Variants in ADAMTSL1 observed in about 807,000 individuals in gnomAD.
ADAMTSL1 encodes ADAMTS like 1, also known as ADAMTS-like protein 1.
In ADAMTSL1, 126 loss-of-function variants were observed where a neutral mutation model predicts 201.8. That is an observed-to-expected ratio of 0.62 (90% confidence interval 0.54 to 0.72). The LOEUF (loss-of-function observed/expected upper bound fraction) is 0.72, where lower values mean the gene tolerates loss of function less well. Among genes scored for constraint, ADAMTSL1 ranks in the 30% least tolerant of loss-of-function variants. The pLI, the probability that ADAMTSL1 is intolerant of heterozygous loss-of-function variation, is 0.00. For synonymous variants in ADAMTSL1, 1,121 were observed against 903.4 expected (o/e 1.24, Z -4.32); for missense variants, 2,679 against 2,277.8 (o/e 1.18, Z -3.59).
At chr9:18,856,981 T>G (rs1369723357) in intron 23 of ADAMTSL1, among the ~76,000 whole-genome samples, 1 of 152,180 alleles carries the variant, frequency 6.6e-6, no homozygotes, top group Non-Finnish European at 1.5e-5. Flanking sequence ...CAATTTCACC[T>G]TGGATGCTCA....
At chr9:18,824,048 G>A (rs1040423275) in intron 21 of ADAMTSL1, among the ~76,000 whole-genome samples, 1 of 151,642 alleles carries the variant, frequency 6.6e-6, no homozygotes, top group African/African-American at 2.4e-5. Context: ...AAGGAAGGAA[G>A]GAAGGAAGGA....
intron 3 of ADAMTSL1, among the ~76,000 whole-genome samples, chr9:18,554,347 G>A (rs1054887628): frequency 1.3e-5 from 2 of 151,460 alleles, no homozygotes; most frequent in Non-Finnish European, 3.0e-5. Context: ...ACGTTGCCTT[G>A]TTTCCTCATG....
chr9:18,520,705 G>C (rs1238811305), intron 2 of ADAMTSL1, among the ~76,000 whole-genome samples: 1 of 152,190 alleles, frequency 6.6e-6, no homozygotes, highest in Non-Finnish European at 1.5e-5. Context: ...GATGGATGAT[G>C]CCTGGCAGCA....
chr9:18,885,762 A>G (rs1366140184), intron 23 of ADAMTSL1, among the ~76,000 whole-genome samples: 1 of 152,116 alleles, frequency 6.6e-6, no homozygotes, highest in South Asian at 2.1e-4. Context: ...AAGGGGAAAA[A>G]AATAAGTGAG....
intron 23 of ADAMTSL1, among the ~76,000 whole-genome samples, chr9:18,842,212 TG>T (rs1825766214): frequency 6.6e-6 from 1 of 152,222 alleles, no homozygotes; most frequent in Non-Finnish European, 1.5e-5. Context: ...GCTTTGAATG[TG>T]TTCAAGAGAT....
chr9:18,495,872 C>A (rs1822509672), intron 1 of ADAMTSL1, among the ~76,000 whole-genome samples: 3 of 152,112 alleles, frequency 2.0e-5, no homozygotes, highest in African/African-American at 7.2e-5. Flanking sequence ...CTTGCTTTCT[C>A]CCCCACTTTA....
At chr9:18,285,666 A>G (rs1832964932) in intron 2 of ADAMTSL1, among the ~76,000 whole-genome samples, 1 of 151,636 alleles carries the variant, frequency 6.6e-6, no homozygotes, top group Non-Finnish European at 1.5e-5. Flanking sequence ...ATGTTATCCT[A>G]GTTTGTCCCT....
intron 1 of ADAMTSL1, among the ~76,000 whole-genome samples, chr9:18,024,534 G>A (rs1409378001): frequency 6.6e-6 from 1 of 152,014 alleles, no homozygotes; most frequent in Non-Finnish European, 1.5e-5. Flanking sequence ...TTCTGTTTCT[G>A]AGTTAATTTG....
chr9:18,621,555 T>TA (rs1564095127), intron 4 of ADAMTSL1, among the ~76,000 whole-genome samples: 72 of 82,592 alleles, frequency 8.7e-4, no homozygotes, highest in African/African-American at 2.6e-3. Flanking sequence ...ACCGTCCTCT[T>TA]CCACACACAC....
Position 18,602,022 on chromosome 9 carries a change from A to G in ADAMTSL1, c.475-20221A>G, listed in dbSNP as rs184082566. Among the ~76,000 whole-genome samples, 168 of 152,304 alleles carry G rather than the reference A, an allele frequency of 1.1e-3. 1 individual carries two copies. Among genetic ancestry groups the G allele is most frequent in the African/African-American group, 3.9e-3 (161 of 41,570 alleles). On this transcript the variant is annotated intron_variant, in intron 4 of 28. Transcript: ENST00000380548. ...GTTTTGTAAATCTCATTAAAGTTTT[A>G]CCATCTTCGTGATTGTTAGCAATTG...
chr9:17,945,679 G>A (rs202237424), intron 1 of ADAMTSL1, among the ~76,000 whole-genome samples: 1 of 152,066 alleles, frequency 6.6e-6, no homozygotes, highest in Non-Finnish European at 1.5e-5. Flanking sequence ...ACATGGATGA[G>A]ATTGGAAATC....
chr9:18,775,885 C>G lies in ADAMTSL1; in HGVS notation c.2540C>G (p.Ala847Gly), dbSNP rs111885519. ...FSSSIRPCML[A>G]TCARPGRPST... ...TCCTCCATCAGGCCCTGTATGCTGG[C>G]AACCTGTGCAAGTAAGTATGTCAGG... The change falls in exon 18 of 29, where the codon GCA (alanine) becomes GGA (glycine). Residue 847 changes from alanine (A) to glycine (G), a missense_variant. Ala to Gly is a moderately conservative substitution (Grantham distance 60). Coordinates refer to ENST00000380548, the MANE Select transcript of ADAMTSL1 (RefSeq NM_001040272.6). 28 of 1,593,780 alleles carry G rather than the reference C, an allele frequency of 1.8e-5. No individual in the cohort carries two copies. In the African/African-American group the frequency reaches 1.9e-4, roughly 11 times the overall value.
chr9:18,607,776 G>T (rs1825122116), intron 4 of ADAMTSL1, among the ~76,000 whole-genome samples: 1 of 148,986 alleles, frequency 6.7e-6, no homozygotes, highest in Non-Finnish European at 1.5e-5. Context: ...CCCTTCCTGT[G>T]TCCCTGTGTT....
intron 1 of ADAMTSL1, among the ~76,000 whole-genome samples, chr9:18,163,550 A>G (rs965664825): frequency 2.6e-5 from 4 of 151,920 alleles, no homozygotes; most frequent in Non-Finnish European, 4.4e-5. Flanking sequence ...GGATAGCCCA[A>G]TGGGATGAGT....
At chr9:18,245,939 C>A (rs1438270148) in intron 2 of ADAMTSL1, among the ~76,000 whole-genome samples, 1 of 152,070 alleles carries the variant, frequency 6.6e-6, no homozygotes, top group East Asian at 1.9e-4. Context: ...GAATTGAAAT[C>A]TTCAAGTCTT....
chr9:18,700,052 A>G (rs1171038072), intron 13 of ADAMTSL1, among the ~76,000 whole-genome samples: 1 of 152,226 alleles, frequency 6.6e-6, no homozygotes. Context: ...AATATCCTTG[A>G]GTAAAGATAT....
At position 18,406,337 on chromosome 9, in the gene ADAMTSL1, T is replaced by TTCTTTTCTTTTCTTTTCTTC. The variant is rs1320560576; in HGVS notation, c.208-98486_208-98485insCTTTTCTTTTCTTCTCTTTT. On this transcript the variant is annotated intron_variant, in intron 2 of 29. Transcript: ENST00000680146. Reference sequence around the variant, plus strand: ...TTCTTTTCTTTTCTTTTCTTTTCTTTTCTTTTTTTGACATGGACTCTCACT... The same window carrying TTCTTTTCTTTTCTTTTCTTC: ...TTCTTTTCTTTTCTTTTCTTTTCTTTTCTTTTCTTTTCTTTTCTTCTCTTTTTTTGACATGGACTCTCACT... Among the ~76,000 whole-genome samples the TTCTTTTCTTTTCTTTTCTTC allele has an allele frequency of 4.2e-3, 461 of 109,858 alleles. 8 individuals carry two copies. Among genetic ancestry groups the TTCTTTTCTTTTCTTTTCTTC allele is most frequent in the African/African-American group, 0.016 (427 of 26,498 alleles). 72.1% of individuals were successfully genotyped at this position (109,858 alleles called of 152,430 possible).
chr9:18,033,078 T>A (rs941144142), intron 1 of ADAMTSL1, among the ~76,000 whole-genome samples: 3 of 152,220 alleles, frequency 2.0e-5, no homozygotes, highest in African/African-American at 7.2e-5. Flanking sequence ...CAATCTTATT[T>A]TAAAATTATA....
At chr9:18,209,282 G>A (rs1174963843) in intron 2 of ADAMTSL1, among the ~76,000 whole-genome samples, 1 of 151,566 alleles carries the variant, frequency 6.6e-6, no homozygotes, top group African/African-American at 2.4e-5. Flanking sequence ...AACCCATTTG[G>A]GTTTATTATT....
Sources: gnomAD v4.1 joint callset for allele counts (sites outside exome capture counted in the v4.1 genomes callset) on GRCh38, gnomAD v4.1.1 for gene constraint, MANE v1.5 for transcripts, NCBI Gene and HGNC (gene_info 2026-07-23, HGNC 2026-07-21) for gene names.